PLCH2: variants seen among roughly 807,000 people sequenced by gnomAD.
PLCH2 encodes phospholipase C eta 2.
A neutral mutation model predicts 134.7 loss-of-function variants in PLCH2; 98 were observed. The observed-to-expected ratio is 0.73, with a 90% CI of 0.62 to 0.86. The LOEUF is 0.86. Ranked by LOEUF, PLCH2 falls within the 40% of genes least tolerant of loss-of-function variation. The pLI, the probability that PLCH2 is intolerant of heterozygous loss-of-function variation, is 0.00. For synonymous variants in PLCH2, 974 were observed against 827.5 expected (o/e 1.18, Z -3.04); for missense variants, 1,994 against 1,986.6 (o/e 1.00, Z -0.07).
intron 2 of PLCH2, among the ~76,000 whole-genome samples, chr1:2,457,818 C>A (rs1318715132): frequency 1.3e-5 from 2 of 151,620 alleles, no homozygotes. Flanking sequence ...CGGCTCCCAG[C>A]CCTTGGATGA....
rs1642569808 is a variant in PLCH2, at chr1:2,491,346, A to G, written c.1659+11A>G. 6.2e-7 allele frequency: 1 copy of G among 1,610,392 alleles called. No individual in the cohort carries two copies. The highest frequency in any genetic ancestry group is 2.2e-5 in the East Asian group (1 of 44,862). ...AAGCTCGGACGCAAGGTAGAGGCCA[A>G]AAAGGTGACACCCCTGATGCCGACA... On this transcript the variant is annotated intron_variant, in intron 11 of 21. Transcript: ENST00000378486.
chr1:2,472,920 G>A (rs927132394), upstream of PLCH2, among the ~76,000 whole-genome samples: 1 of 151,780 alleles, frequency 6.6e-6, no homozygotes, highest in African/African-American at 2.4e-5. Flanking sequence ...TGTACATGCC[G>A]GGAGGCCTGT....
chr1:2,475,611 C>T (rs574022088), upstream of PLCH2, among the ~76,000 whole-genome samples: 21 of 152,292 alleles, frequency 1.4e-4, no homozygotes, highest in African/African-American at 2.9e-4. Flanking sequence ...CCTCCTTGGG[C>T]GAGGCCCCTG....
rs568603197 is a variant in PLCH2, at chr1:2,504,824, C to T, written c.3862C>T (p.Arg1288Trp). The T allele has an allele frequency of 1.4e-5, 22 of 1,609,230 alleles. No individual in the cohort carries two copies. The highest frequency in any genetic ancestry group is 5.3e-5 in the African/African-American group (4 of 75,012). The part of the protein sequence containing the change: ...HSLGLPGGTR[R>W]VSGPGVRRDT... ...CCTGGGCCTCCCGGGAGGGACACGGCGGGTGTCGGGGCCAGGGGTGAGACG... is the reference window on the plus strand; with the variant it reads ...CCTGGGCCTCCCGGGAGGGACACGGTGGGTGTCGGGGCCAGGGGTGAGACG... Residue 1288 changes from arginine to tryptophan, a missense_variant, in exon 22 of 22, where the codon CGG becomes TGG. Physicochemically the swap from Arg to Trp is moderately radical, Grantham distance 101. This residue lies in a region of PLCH2 where 900 missense variants were observed against 752.3 expected (regional missense o/e 1.20). Transcript: ENST00000378486.
At chr1:2,487,408 G>A in intron 7 of PLCH2, 32 bp downstream of exon 7, 2 of 1,581,786 alleles carry the variant, frequency 1.3e-6, no homozygotes, top group Non-Finnish European at 1.7e-6. Flanking sequence ...ACGGCCGTGG[G>A]CTGGCATCTG....
chr1:2,425,903 GCTCCCCACTATA>G (rs1301731129), upstream of PLCH2: 1 of 152,192 alleles, frequency 6.6e-6, no homozygotes, highest in African/African-American at 2.4e-5. Context: ...GGAAAGTCCT[GCTCCCCACTATA>G]CTGTGGGTCC....
At chr1:2,484,406 C>G in intron 4 of PLCH2, 42 bp from the exon 5 acceptor site, 1 of 1,605,570 alleles carries the variant, frequency 6.2e-7, no homozygotes, top group East Asian at 2.2e-5. Context: ...CATGCAGGCC[C>G]TGGTCGAGGT....
chr1:2,464,794 T>C (rs1640979451), upstream of PLCH2, among the ~76,000 whole-genome samples: 3 of 152,032 alleles, frequency 2.0e-5, no homozygotes, highest in Non-Finnish European at 4.4e-5. Flanking sequence ...CTGAAAGAGA[T>C]GAGATGGAGA....
At chr1:2,483,785 T>G (rs114808058) in intron 4 of PLCH2, among the ~76,000 whole-genome samples, 3,446 of 80,554 alleles carry the variant, frequency 0.043, 276 homozygotes, top group Non-Finnish European at 0.055. Context: ...TGACCCCCGT[T>G]TGGGGGGGCG....
rs574978011 is a variant in PLCH2, at chr1:2,427,945, G to A, written c.-178+1908G>A. 4.6e-5 allele frequency among the ~76,000 whole-genome samples: 7 copies of A among 152,232 alleles called. No homozygotes were observed. In the East Asian group the frequency reaches 1.4e-3, roughly 29 times the overall value. ...TAGGGCTGTAGGACCTGCTGAGTGG[G>A]TGACACTTCATCCTCCGGGGGCTTC... is the stretch of plus-strand genomic sequence containing the variant. On this transcript the variant is annotated intron_variant, in intron 1 of 3. Transcript: ENST00000609981.
intron 3 of PLCH2, 62 bp downstream of exon 3, chr1:2,480,039 T>TG (rs960920795): frequency 3.4e-5 from 53 of 1,581,794 alleles, no homozygotes; most frequent in African/African-American, 1.7e-4. Flanking sequence ...CTGCTCACCC[T>TG]GGGGGGGCCT....
intron 4 of PLCH2, among the ~76,000 whole-genome samples, chr1:2,482,559 G>T (rs1236098807): frequency 1.3e-5 from 2 of 152,216 alleles, no homozygotes; most frequent in South Asian, 2.1e-4. Flanking sequence ...CCTTGGTGTG[G>T]GCACACAGCC....
At chr1:2,427,709 C>T (rs776245839) in intron 1 of PLCH2, among the ~76,000 whole-genome samples, 8 of 152,126 alleles carry the variant, frequency 5.3e-5, no homozygotes, top group East Asian at 1.9e-4. Context: ...GCTGGGAGCT[C>T]GCGATCCAAG....
chr1:2,497,800 C>T (rs1483326868), intron 16 of PLCH2, 191 bp downstream of exon 16: 3 of 540,128 alleles, frequency 5.6e-6, no homozygotes, highest in African/African-American at 1.9e-5. Context: ...ACCCTCCTTG[C>T]TAGCGTTGCA....
upstream of PLCH2, among the ~76,000 whole-genome samples, chr1:2,465,161 C>T (rs1640997377): frequency 6.6e-6 from 1 of 152,284 alleles, no homozygotes; most frequent in Non-Finnish European, 1.5e-5. Context: ...CTAGGCTCGC[C>T]CTGTCTCAGG....
intron 11 of PLCH2, among the ~76,000 whole-genome samples, chr1:2,494,005 T>C (rs1642735380): frequency 6.6e-6 from 1 of 152,062 alleles, no homozygotes; most frequent in South Asian, 2.1e-4. Context: ...GGGTGGGTGA[T>C]GTGTCCGCTT....
intron 20 of PLCH2, chr1:2,501,298 T>A (rs1279423742): frequency 6.6e-6 from 1 of 152,146 alleles, no homozygotes; most frequent in Non-Finnish European, 1.5e-5. Flanking sequence ...TGAGGGCCCC[T>A]CTGGCCTCTG....
upstream of PLCH2, among the ~76,000 whole-genome samples, chr1:2,471,378 C>T (rs1041483687): frequency 2.0e-5 from 3 of 152,204 alleles, no homozygotes; most frequent in African/African-American, 4.8e-5. Context: ...GGGGAAGGTA[C>T]GGGTCACCTG....
upstream of PLCH2, among the ~76,000 whole-genome samples, chr1:2,473,421 G>A (rs904662227): frequency 1.3e-5 from 2 of 152,232 alleles, no homozygotes; most frequent in Non-Finnish European, 2.9e-5. Flanking sequence ...CCCCAACTGG[G>A]GTGCAGCCCC....
Sources: gnomAD v4.1 joint callset for allele counts (sites outside exome capture counted in the v4.1 genomes callset) on GRCh38, gnomAD v4.1.1 for gene constraint, gnomAD v4.1.1 regional missense constraint, MANE v1.5 for transcripts, NCBI Gene and HGNC (gene_info 2026-07-23, HGNC 2026-07-21) for gene names.